The following CEP128 variants were observed in gnomAD, a reference collection of about 807,000 sequenced individuals.
CEP128 encodes the protein centrosomal protein 128, also known as centrosomal protein 128kDa.
In CEP128, 132 loss-of-function variants were observed where a neutral mutation model predicts 156.7. The observed-to-expected ratio is 0.84, with a 90% CI of 0.73 to 0.97. The LOEUF (loss-of-function observed/expected upper bound fraction) is 0.97, where lower values mean the gene tolerates loss of function less well. Ranked by LOEUF, CEP128 falls within the 50% of genes least tolerant of loss-of-function variation. The pLI, the probability that CEP128 is intolerant of heterozygous loss-of-function variation, is 0.00. For synonymous variants in CEP128, 469 were observed against 448.9 expected (o/e 1.04, Z -0.57); for missense variants, 1,252 against 1,281.9 (o/e 0.98, Z 0.36).
chr14:80,591,989 T>C (rs112342039), intron 19 of CEP128, among the ~76,000 whole-genome samples: 10 of 152,258 alleles, frequency 6.6e-5, no homozygotes, highest in African/African-American at 2.4e-4. Flanking sequence ...CCAGAATCTC[T>C]GGGACACAGA....
chr14:80,925,336 G>T (rs34590095), intron 2 of CEP128, among the ~76,000 whole-genome samples: 3,980 of 152,130 alleles, frequency 0.026, 60 homozygotes, highest in Admixed American at 0.033. Context: ...TGGCCAATGA[G>T]ATTGAGAAGA....
chr14:80,878,646 G>A (rs150131390), intron 8 of CEP128, among the ~76,000 whole-genome samples: 89 of 152,170 alleles, frequency 5.8e-4, no homozygotes, highest in East Asian at 2.3e-3. Context: ...TTCCTCGTTG[G>A]AGCCATACAA....
intron 19 of CEP128, among the ~76,000 whole-genome samples, chr14:80,692,851 T>C (rs1174898938): frequency 2.6e-5 from 4 of 152,214 alleles, no homozygotes; most frequent in Non-Finnish European, 5.9e-5. Context: ...TGTGGTGCTG[T>C]AGAATTCCCC....
chr14:80,838,180 T>C (rs757934103), intron 11 of CEP128, 24 bp downstream of exon 11: 3 of 1,517,138 alleles, frequency 2.0e-6, no homozygotes, highest in South Asian at 1.1e-5. Context: ...TAAAAGTATA[T>C]TATAATAACT....
At chr14:80,888,425 A>T (rs1170904127) in intron 8 of CEP128, among the ~76,000 whole-genome samples, 1 of 152,238 alleles carries the variant, frequency 6.6e-6, no homozygotes, top group Non-Finnish European at 1.5e-5. Context: ...CAAAATGCTT[A>T]TCCACCACGA....
chr14:80,742,487 C>G lies in CEP128; in HGVS notation c.2806+588G>C, dbSNP rs543040900. 3.3e-5 allele frequency among the ~76,000 whole-genome samples: 5 copies of G among 152,294 alleles called. No individual in the cohort carries two copies. In the East Asian group the frequency reaches 7.7e-4, roughly 24 times the overall value. On this transcript the variant is annotated intron_variant, in intron 19 of 24. Coordinates refer to ENST00000555265, the MANE Select transcript of CEP128 (RefSeq NM_152446.5). ...AGAGAACATATCAATAGGCCTCTAA[C>G]TGGACACATTGCCATAATCAATGCT...
rs1238126090 is a variant in CEP128, at chr14:80,626,584, A to G, written c.2807-46161T>C. ...TGGAGTGAGAATGGAGGAAGGGGCC[A>G]CAACCCAAGGAACATAGACAACCAC... On this transcript the variant is annotated intron_variant, in intron 19 of 24. Transcript: ENST00000555265. Among the ~76,000 whole-genome samples the G allele has an allele frequency of 2.6e-5, 4 of 152,002 alleles. No homozygotes were observed. In the East Asian group the frequency reaches 7.7e-4, roughly 29 times the overall value.
At chr14:80,826,495 G>T (rs560749057) in intron 13 of CEP128, among the ~76,000 whole-genome samples, 73 of 152,090 alleles carry the variant, frequency 4.8e-4, no homozygotes, top group Admixed American at 9.2e-4. Flanking sequence ...TAATATTAAA[G>T]CGGGCATACA....
intron 20 of CEP128, among the ~76,000 whole-genome samples, chr14:80,572,500 G>C (rs1891185008): frequency 6.6e-6 from 1 of 152,132 alleles, no homozygotes; most frequent in Non-Finnish European, 1.5e-5. Context: ...CAAAGTTTGA[G>C]GTCTGTCTAG....
At position 80,851,443 on chromosome 14, in the gene CEP128, G is replaced by A. The variant is rs952446573; in HGVS notation, c.763-10675C>T. Among the ~76,000 whole-genome samples the A allele has an allele frequency of 2.6e-5, 4 of 152,100 alleles. No homozygotes were observed. The East Asian group carries it at 5.8e-4, about 22-fold the overall frequency. On this transcript the variant is annotated intron_variant, in intron 9 of 24. Coordinates refer to ENST00000555265, the MANE Select transcript of CEP128 (RefSeq NM_152446.5). ...CTGAGGAACGAGAAGGGAGAAAAAT[G>A]TTCCAGTAAGACACTGAGAAGAATC... is the stretch of plus-strand genomic sequence containing the variant.
chr14:80,907,645 G>A (rs376986758), intron 4 of CEP128, among the ~76,000 whole-genome samples: 4 of 132,210 alleles, frequency 3.0e-5, no homozygotes, highest in East Asian at 4.3e-4. Context: ...GCGGCAGAGC[G>A]AGACTCTGTT....
At chr14:80,568,189 C>T (rs1354422355) in intron 20 of CEP128, among the ~76,000 whole-genome samples, 1 of 152,166 alleles carries the variant, frequency 6.6e-6, no homozygotes, top group African/African-American at 2.4e-5. Flanking sequence ...GCTGACATCT[C>T]CTTTGTTTCC....
rs1462427212 is a variant in CEP128 at position 80,880,867 on chromosome 14, AT to A, written c.645+14850del. ...GACAGAGCAAGACTCCATCTCAAAA[AT>A]AATAATAATAATAATAATAATAATA... On this transcript the variant is annotated intron_variant, in intron 8 of 24. Transcript: ENST00000555265. 1.2e-3 allele frequency among the ~76,000 whole-genome samples: 34 copies of A among 29,494 alleles called. No homozygotes were observed. The South Asian group carries it at 0.042, about 37-fold the overall frequency. The allele number at this position is 29,494 out of a possible 152,430, so 19.3% of individuals were successfully genotyped here. A position where few individuals can be genotyped will look rare whatever the true frequency, so the allele number is the denominator to read the frequency against.
chr14:80,606,812 A>T (rs1675526096), intron 19 of CEP128, among the ~76,000 whole-genome samples: 7 of 151,992 alleles, frequency 4.6e-5, no homozygotes, highest in Admixed American at 2.6e-4. Context: ...TGGATCCTGA[A>T]CACCATGTTA....
At chr14:80,787,815 T>C in intron 14 of CEP128, among the ~76,000 whole-genome samples, 1 of 152,324 alleles carries the variant, frequency 6.6e-6, no homozygotes, top group East Asian at 1.9e-4. Context: ...TGTCTTTAAT[T>C]ATGAAATATT....
At chr14:80,665,647 T>TCTTTATTCC (rs1895581585) in intron 19 of CEP128, among the ~76,000 whole-genome samples, 1 of 152,012 alleles carries the variant, frequency 6.6e-6, no homozygotes, top group Non-Finnish European at 1.5e-5. Flanking sequence ...TGAATCACTG[T>TCTTTATTCC]CTAAACAACT....
intron 8 of CEP128, among the ~76,000 whole-genome samples, chr14:80,877,388 AT>A (rs1384276019): frequency 6.6e-6 from 1 of 152,196 alleles, no homozygotes; most frequent in Non-Finnish European, 1.5e-5. Flanking sequence ...CTTTAAAAAA[AT>A]ATTTAATGAT....
chr14:80,933,731 G>C (rs1014553963), intron 2 of CEP128, among the ~76,000 whole-genome samples: 5 of 152,140 alleles, frequency 3.3e-5, no homozygotes, highest in African/African-American at 1.2e-4. Flanking sequence ...AGTAGGAAAA[G>C]GAATAGAAAG....
intron 23 of CEP128, among the ~76,000 whole-genome samples, chr14:80,519,857 G>T (rs138978195): frequency 6.6e-6 from 1 of 152,136 alleles, no homozygotes; most frequent in African/African-American, 2.4e-5. Flanking sequence ...TCAATAAATG[G>T]TCATATGATG....
Sources: gnomAD v4.1 joint callset for allele counts (sites outside exome capture counted in the v4.1 genomes callset) on GRCh38, gnomAD v4.1.1 for gene constraint, MANE v1.5 for transcripts, NCBI Gene and HGNC (gene_info 2026-07-23, HGNC 2026-07-21) for gene names.